The following DLAT variants were observed in gnomAD, a reference collection of about 807,000 sequenced individuals.
DLAT encodes dihydrolipoyllysine-residue acetyltransferase component of pyruvate dehydrogenase complex, mitochondrial.
DLAT carries 43 observed loss-of-function variants against 68.0 expected under a neutral mutation model. The observed-to-expected ratio is 0.63, with a 90% CI of 0.50 to 0.81. DLAT has a LOEUF of 0.81. DLAT is among the 40% of genes least tolerant of loss of function. DLAT has a pLI of 0.00. For synonymous variants in DLAT, 265 were observed against 288.6 expected (o/e 0.92, Z 0.83); for missense variants, 745 against 815.4 (o/e 0.91, Z 1.05).
intron 10 of DLAT, among the ~76,000 whole-genome samples, chr11:112,047,216 GTGA>G (rs1186231242): frequency 1.3e-5 from 2 of 152,204 alleles, no homozygotes; most frequent in Non-Finnish European, 2.9e-5. Flanking sequence ...TTAATGACCA[GTGA>G]TGATGAGCTT....
rs1555181180 is a variant in DLAT at position 112,043,508 on chromosome 11, C to T, written c.1172C>T (p.Ser391Phe). The change falls in exon 8 of 14, where the codon TCT becomes TTT. Residue 391 changes from serine (S) to phenylalanine (F), a missense_variant. Coordinates refer to ENST00000280346, the MANE Select transcript of DLAT (RefSeq NM_001931.5). ...AGAATCACCAAGAAGGATATCGACTCTTTTGTGCCTAGTAAAGTTGCTCCT... is the reference window on the plus strand; with the variant it reads ...AGAATCACCAAGAAGGATATCGACTTTTTTGTGCCTAGTAAAGTTGCTCCT... ...DGRITKKDID[S>F]FVPSKVAPAP... The T allele has an allele frequency of 6.2e-7, 1 of 1,614,114 alleles. No individual in the cohort carries two copies. Among genetic ancestry groups the T allele is most frequent in the Admixed American group, 1.7e-5 (1 of 60,022 alleles).
At chr11:112,039,988 T>C (rs1862969688) in intron 7 of DLAT, among the ~76,000 whole-genome samples, 2 of 152,344 alleles carry the variant, frequency 1.3e-5, no homozygotes, top group Non-Finnish European at 2.9e-5. Context: ...ATTACTTAGA[T>C]TGTATGTCCT....
intron 2 of DLAT, 103 bp downstream of exon 2, chr11:112,026,402 G>A: frequency 1.8e-6 from 1 of 567,904 alleles, no homozygotes; most frequent in Non-Finnish European, 2.7e-6. Flanking sequence ...TAGGACAATA[G>A]TGGAGGGAAG....
chr11:112,057,043 T>C (rs918451023), intron 11 of DLAT, among the ~76,000 whole-genome samples: 11 of 152,214 alleles, frequency 7.2e-5, no homozygotes, highest in Admixed American at 6.5e-4. Flanking sequence ...CAAACTTTAT[T>C]ATTGTATCTG....
intron 13 of DLAT, among the ~76,000 whole-genome samples, chr11:112,061,756 T>A (rs1477712636): frequency 6.6e-6 from 1 of 152,284 alleles, no homozygotes; most frequent in South Asian, 2.1e-4. Context: ...GGCTAATTTT[T>A]GTATTTTTAG....
intron 5 of DLAT, among the ~76,000 whole-genome samples, chr11:112,036,201 G>GTGTGTTTTTTTTTTTT (rs1555180455): frequency 2.7e-5 from 1 of 36,474 alleles, no homozygotes; most frequent in African/African-American, 9.0e-5. Flanking sequence ...GTGTGTGTGT[G>GTGTGTTTTTTTTTTTT]TTTTTTTTTT....
chr11:112,027,115 C>T (rs1269808495), intron 2 of DLAT, among the ~76,000 whole-genome samples: 32 of 147,590 alleles, frequency 2.2e-4, no homozygotes, highest in South Asian at 4.4e-4. Flanking sequence ...GGGTGGCTGC[C>T]GGGCGGAGGG....
chr11:112,051,140 T>A lies in DLAT; in HGVS notation c.1399-94T>A. On this transcript the variant is annotated intron_variant, in intron 10 of 13. Transcript: ENST00000280346. The surrounding 1 kb of genome is among the most constrained non-coding windows in gnomAD (Gnocchi z 4.3). ...CCACCATGGCACATGTTTACCTATA[T>A]AATAAACCTGGACATTCTGCACATG... is the stretch of plus-strand genomic sequence containing the variant. 2.4e-6 allele frequency: 2 copies of A among 848,416 alleles called. No individual in the cohort carries two copies. The highest frequency in any genetic ancestry group is 3.1e-5 in the South Asian group (2 of 64,810). The allele number at this position is 848,416 out of a possible 1,614,324, so 52.6% of individuals were successfully genotyped here.
intron 11 of DLAT, among the ~76,000 whole-genome samples, chr11:112,053,114 G>C (rs1285047766): frequency 6.6e-6 from 1 of 152,038 alleles, no homozygotes; most frequent in Non-Finnish European, 1.5e-5. Context: ...TTGAGGTCAG[G>C]AGTTCGAGAC....
chr11:112,060,031 C>T lies in DLAT; in HGVS notation c.1643C>T (p.Ala548Val). The change falls in exon 12 of 14, where the codon GCA (alanine) becomes GTA (valine). Residue 548 changes from alanine to valine, a missense_variant. By Grantham distance (64) the Ala-to-Val change is moderately conservative. Transcript: ENST00000280346. Reference sequence around the variant, plus strand: ...GATGTTGTTTCTTTAGCAACCAAAGCAAGAGAGGGTAAACTACAGCCACAT... The same window carrying T: ...GATGTTGTTTCTTTAGCAACCAAAGTAAGAGAGGGTAAACTACAGCCACAT... The part of the protein sequence containing the change: ...ANDVVSLATK[A>V]REGKLQPHEF... The T allele has an allele frequency of 6.2e-7, 1 of 1,613,888 alleles. No homozygotes were observed. Among genetic ancestry groups the T allele is most frequent in the Non-Finnish European group, 8.5e-7 (1 of 1,179,946 alleles).
At chr11:112,056,241 T>C (rs1324820700) in intron 11 of DLAT, among the ~76,000 whole-genome samples, 1 of 152,202 alleles carries the variant, frequency 6.6e-6, no homozygotes, top group Non-Finnish European at 1.5e-5. Flanking sequence ...GTACAATTTC[T>C]TGATTTTTGT....
chr11:112,029,903 C>G, intron 4 of DLAT: 1 of 691,930 alleles, frequency 1.4e-6, no homozygotes, highest in Admixed American at 1.8e-5. Flanking sequence ...TGGGAACATT[C>G]TGAATCTTTC....
chr11:112,028,419 T>C, intron 2 of DLAT, 96 bp from the exon 3 acceptor site: 1 of 977,624 alleles, frequency 1.0e-6, no homozygotes. Flanking sequence ...ACTCTGTGTC[T>C]CAAAAAAAAA....
At chr11:112,032,292 A>G (rs587656040) in intron 4 of DLAT, among the ~76,000 whole-genome samples, 8 of 151,316 alleles carry the variant, frequency 5.3e-5, no homozygotes, top group Non-Finnish European at 8.8e-5. Flanking sequence ...ATCAAATAAA[A>G]TTCTGTGTAA....
intron 5 of DLAT, among the ~76,000 whole-genome samples, chr11:112,034,413 A>T (rs1314006557): frequency 6.6e-6 from 1 of 151,810 alleles, no homozygotes; most frequent in Non-Finnish European, 1.5e-5. Context: ...GGCTAAAAAA[A>T]CCCATATAGA....
At chr11:112,055,963 G>T (rs1296073989) in intron 11 of DLAT, among the ~76,000 whole-genome samples, 1 of 140,228 alleles carries the variant, frequency 7.1e-6, no homozygotes, top group Non-Finnish European at 1.5e-5. Flanking sequence ...CGCCTCCCGG[G>T]TTCAAGCGAT....
intron 4 of DLAT, chr11:112,030,381 A>C (rs1862328445): frequency 1.5e-5 from 6 of 389,994 alleles, no homozygotes; most frequent in South Asian, 1.2e-4. Context: ...TCTGACCCGG[A>C]AACGGAAGTC....
intron 4 of DLAT, chr11:112,029,854 G>A (rs1471967527): frequency 1.6e-6 from 1 of 608,196 alleles, no homozygotes; most frequent in Non-Finnish European, 3.2e-6. Flanking sequence ...CCCGCACTTT[G>A]AGATCACCAC....
intron 4 of DLAT, among the ~76,000 whole-genome samples, chr11:112,033,159 G>C (rs1862506285): frequency 2.0e-5 from 3 of 152,214 alleles, no homozygotes; most frequent in African/African-American, 7.2e-5. Context: ...TTTCCCATGT[G>C]CTTGTTGCAT....
Sources: gnomAD v4.1 joint callset for allele counts (sites outside exome capture counted in the v4.1 genomes callset) on GRCh38, gnomAD v4.1.1 for gene constraint, Gnocchi (gnomAD v3.1) non-coding constraint, MANE v1.5 for transcripts, NCBI Gene and HGNC (gene_info 2026-07-23, HGNC 2026-07-21) for gene names.